PTPRD: variants seen among roughly 807,000 people sequenced by gnomAD.
The protein encoded by PTPRD is protein tyrosine phosphatase receptor type D, also known as receptor-type tyrosine-protein phosphatase delta.
A neutral mutation model predicts 214.5 loss-of-function variants in PTPRD; 34 were observed. The ratio of observed to expected loss-of-function variants is 0.16; its 90% CI spans 0.12 to 0.21. The LOEUF is 0.21. Ranked by LOEUF, PTPRD falls within the 10% of genes least tolerant of loss-of-function variation. PTPRD has a pLI of 1.00. For missense variants in PTPRD, 2,545 were observed against 2,398.7 expected, an observed-to-expected ratio of 1.06 and a Z score of -1.27; for synonymous variants, 1,128 against 845.7, an observed-to-expected ratio of 1.33 and a Z score of -5.79.
intron 2 of PTPRD, among the ~76,000 whole-genome samples, chr9:10,599,754 T>TA (rs1057356453): frequency 1.3e-5 from 2 of 151,794 alleles, no homozygotes; most frequent in East Asian, 1.9e-4. Flanking sequence ...TGCTCTATTT[T>TA]AAAAAATAGC....
chr9:8,456,644 A>T (rs984161001), intron 33 of PTPRD, among the ~76,000 whole-genome samples: 1 of 152,168 alleles, frequency 6.6e-6, no homozygotes, highest in Non-Finnish European at 1.5e-5. Context: ...AGAGAAGACT[A>T]AAGACACAAA....
intron 11 of PTPRD, among the ~76,000 whole-genome samples, chr9:8,824,287 C>T (rs990698750): frequency 5.3e-5 from 8 of 152,060 alleles, no homozygotes; most frequent in Non-Finnish European, 1.2e-4. Context: ...TGACATTTCC[C>T]CTCTCCCTTT....
chr9:8,415,741 A>G (rs933062877), intron 35 of PTPRD, among the ~76,000 whole-genome samples: 8 of 152,134 alleles, frequency 5.3e-5, no homozygotes, highest in Non-Finnish European at 8.8e-5. Flanking sequence ...CATGCAGACA[A>G]TGGAGGGCCA....
chr9:8,771,179 T>TCA (rs1341998524), intron 11 of PTPRD, among the ~76,000 whole-genome samples: 2 of 40,936 alleles, frequency 4.9e-5, no homozygotes, highest in Non-Finnish European at 8.4e-5. Flanking sequence ...AGATTCCGTC[T>TCA]CAAAAAAAAA....
At chr9:9,915,346 C>G (rs984079822) in intron 5 of PTPRD, among the ~76,000 whole-genome samples, 6 of 151,208 alleles carry the variant, frequency 4.0e-5, no homozygotes, top group African/African-American at 1.5e-4. Flanking sequence ...AACATGACAT[C>G]TCCAAAAAAA....
rs530816639 is a variant in PTPRD at position 8,636,595 on chromosome 9, A to T, written c.210+104T>A. On this transcript the variant is annotated intron_variant, in intron 13 of 45. Transcript: ENST00000381196. ...ACTTGCAATGTAAGGAATACCATAT[A>T]TCAGTGACACCTTTTATCAGAGTAA... 6.5e-6 allele frequency: 9 copies of T among 1,384,104 alleles called. No individual in the cohort carries two copies. The South Asian group carries it at 1.1e-4, about 17-fold the overall frequency. The allele number at this position is 1,384,104 out of a possible 1,614,324, so 85.7% of individuals were successfully genotyped here.
chr9:10,290,550 G>T (rs1463531776), intron 3 of PTPRD, among the ~76,000 whole-genome samples: 2 of 152,026 alleles, frequency 1.3e-5, no homozygotes, highest in Non-Finnish European at 2.9e-5. Flanking sequence ...AGATTCCAAT[G>T]ACATACATTA....
intron 8 of PTPRD, among the ~76,000 whole-genome samples, chr9:9,515,395 C>G (rs893175094): frequency 6.6e-6 from 1 of 151,946 alleles, no homozygotes; most frequent in Non-Finnish European, 1.5e-5. Flanking sequence ...GGCACTATTC[C>G]CAATGCAGAG....
intron 7 of PTPRD, among the ~76,000 whole-genome samples, chr9:9,687,453 G>A (rs1372568598): frequency 6.6e-6 from 1 of 151,698 alleles, no homozygotes; most frequent in Non-Finnish European, 1.5e-5. Context: ...ATGGGAAACT[G>A]ATTCCCAAAT....
At chr9:9,017,712 C>A (rs2099542160) in intron 11 of PTPRD, among the ~76,000 whole-genome samples, 2 of 152,054 alleles carry the variant, frequency 1.3e-5, no homozygotes, top group Admixed American at 1.3e-4. Context: ...CGAATAATTG[C>A]ATGATGACTA....
chr9:10,278,110 AG>A (rs1465307427), intron 3 of PTPRD, among the ~76,000 whole-genome samples: 11 of 151,254 alleles, frequency 7.3e-5, no homozygotes, highest in Admixed American at 1.3e-4. Context: ...GAGCCGAGAT[AG>A]CGCCACTGCA....
At chr9:9,890,400 T>G (rs2072855198) in intron 5 of PTPRD, among the ~76,000 whole-genome samples, 1 of 151,944 alleles carries the variant, frequency 6.6e-6, no homozygotes. Context: ...GGTCTTCCTA[T>G]GTTGCCCAGG....
intron 37 of PTPRD, among the ~76,000 whole-genome samples, chr9:8,380,933 A>T (rs1452367028): frequency 6.6e-6 from 1 of 152,178 alleles, no homozygotes; most frequent in Non-Finnish European, 1.5e-5. Context: ...AATTTAATAA[A>T]GACTTACTGA....
At chr9:9,126,525 AAGT>A (rs2099834162) in intron 10 of PTPRD, among the ~76,000 whole-genome samples, 1 of 152,236 alleles carries the variant, frequency 6.6e-6, no homozygotes, top group Non-Finnish European at 1.5e-5. Flanking sequence ...TTGTCACAAA[AAGT>A]TAGAAAAACT....
intron 2 of PTPRD, among the ~76,000 whole-genome samples, chr9:10,541,262 A>G (rs1403271695): frequency 6.6e-6 from 1 of 152,192 alleles, no homozygotes; most frequent in African/African-American, 2.4e-5. Flanking sequence ...TAAAGATATA[A>G]TGAGAGAACA....
chr9:10,508,324 A>G (rs2046771566), intron 2 of PTPRD, among the ~76,000 whole-genome samples: 1 of 152,296 alleles, frequency 6.6e-6, no homozygotes, highest in African/African-American at 2.4e-5. Flanking sequence ...GTGGAGAAAT[A>G]GGAACACTTT....
chr9:8,478,175 G>C (rs376811148), intron 30 of PTPRD, among the ~76,000 whole-genome samples: 11 of 152,178 alleles, frequency 7.2e-5, no homozygotes, highest in African/African-American at 2.7e-4. Context: ...CAGGGTTATT[G>C]TGAGTCTTAA....
At chr9:9,784,144 T>C (rs1442466441) in intron 5 of PTPRD, among the ~76,000 whole-genome samples, 3 of 152,136 alleles carry the variant, frequency 2.0e-5, no homozygotes, top group Non-Finnish European at 2.9e-5. Context: ...CTGTTAATGT[T>C]TATAAAAGTA....
At chr9:9,371,024 T>C (rs2059345641) in intron 9 of PTPRD, among the ~76,000 whole-genome samples, 1 of 152,302 alleles carries the variant, frequency 6.6e-6, no homozygotes, top group South Asian at 2.1e-4. Flanking sequence ...CAGAATTTTA[T>C]TGAGGATTTT....
Sources: allele counts gnomAD v4.1 joint callset (sites outside exome capture counted in the v4.1 genomes callset), GRCh38; gene constraint gnomAD v4.1.1; transcripts MANE v1.5; gene names NCBI Gene and HGNC (gene_info 2026-07-23, HGNC 2026-07-21).